Variants in ARHGAP32 observed in about 807,000 individuals in gnomAD.
The protein encoded by ARHGAP32 is rho GTPase-activating protein 32.
A neutral mutation model predicts 186.5 loss-of-function variants in ARHGAP32; 51 were observed. The ratio of observed to expected loss-of-function variants is 0.27; its 90% CI spans 0.22 to 0.35. ARHGAP32 has a LOEUF of 0.35. Among genes scored for constraint, ARHGAP32 ranks in the 10% least tolerant of loss-of-function variants. ARHGAP32 has a pLI of 1.00. For missense variants in ARHGAP32, 2,186 were observed against 2,623.5 expected (o/e 0.83, Z 3.64); for synonymous variants, 950 against 964.3 (o/e 0.99, Z 0.27).
chr11:129,241,486 T>C (rs2135667156), intron 1 of ARHGAP32, among the ~76,000 whole-genome samples: 1 of 151,844 alleles, frequency 6.6e-6, no homozygotes, highest in Admixed American at 6.6e-5. Flanking sequence ...CTACAAATAA[T>C]TTTGTAAAAA....
rs1271342743 is a variant in ARHGAP32, at chr11:128,978,341, TACTC to T, written c.2122+425_2122+428del. ...AATAGATTTATTTGATCTAATAAGA[TACTC>T]TATTAATGAGACATCTAATAAAAAA... On this transcript the variant is annotated intron_variant, in intron 19 of 22. Coordinates refer to ENST00000682385, the MANE Select transcript of ARHGAP32 (RefSeq NM_001378024.1). Among the ~76,000 whole-genome samples the T allele has an allele frequency of 8.5e-5, 13 of 152,174 alleles. No individual in the cohort carries two copies. In the East Asian group the frequency reaches 2.5e-3, roughly 29 times the overall value.
intron 1 of ARHGAP32, among the ~76,000 whole-genome samples, chr11:129,182,143 T>A (rs1053070633): frequency 2.4e-4 from 37 of 152,124 alleles, no homozygotes; most frequent in African/African-American, 8.9e-4. Flanking sequence ...GTGTAGCTAT[T>A]CCTTAATTTA....
At chr11:129,013,064 A>G (rs539860494) in intron 11 of ARHGAP32, among the ~76,000 whole-genome samples, 40 of 152,348 alleles carry the variant, frequency 2.6e-4, no homozygotes, top group Non-Finnish European at 5.1e-4. Context: ...GATCAGGAAC[A>G]AGGAAACGTG....
intron 2 of ARHGAP32, among the ~76,000 whole-genome samples, chr11:129,146,847 C>T (rs1422238906): frequency 3.3e-5 from 5 of 151,886 alleles, no homozygotes; most frequent in African/African-American, 9.7e-5. Flanking sequence ...TACTTAAGCC[C>T]TTTTATCTCT....
chr11:129,106,092 A>G (rs536127481), intron 5 of ARHGAP32, among the ~76,000 whole-genome samples: 3 of 152,204 alleles, frequency 2.0e-5, no homozygotes, highest in Non-Finnish European at 4.4e-5. Flanking sequence ...TACTTCAGCC[A>G]TTGTCGAAAG....
intron 11 of ARHGAP32, among the ~76,000 whole-genome samples, chr11:129,009,891 C>T (rs1267644637): frequency 2.0e-5 from 3 of 152,200 alleles, no homozygotes; most frequent in Non-Finnish European, 2.9e-5. Flanking sequence ...GAGGAACTGC[C>T]ACACTGTCTT....
At chr11:129,124,943 CT>C in intron 2 of ARHGAP32, 49 bp from the exon 3 acceptor site, 1 of 1,422,030 alleles carries the variant, frequency 7.0e-7, no homozygotes, top group Non-Finnish European at 9.7e-7. Flanking sequence ...TAGTATTACA[CT>C]TTTTTAAAAA....
chr11:128,999,684 G>A (rs1946301885), intron 11 of ARHGAP32, among the ~76,000 whole-genome samples: 1 of 152,094 alleles, frequency 6.6e-6, no homozygotes, highest in Admixed American at 6.5e-5. Context: ...TCTTAGACCA[G>A]CCGACACTTT....
At chr11:129,240,329 A>G (rs912645270) in intron 1 of ARHGAP32, among the ~76,000 whole-genome samples, 9 of 152,146 alleles carry the variant, frequency 5.9e-5, no homozygotes, top group African/African-American at 2.2e-4. Context: ...GGGGAAAAAA[A>G]AAAATCTGGT....
chr11:129,229,730 T>C (rs1019982241), intron 1 of ARHGAP32, among the ~76,000 whole-genome samples: 36 of 152,160 alleles, frequency 2.4e-4, no homozygotes, highest in Non-Finnish European at 5.9e-5. Context: ...ATCCAATTAC[T>C]TAAGGATTTT....
intron 1 of ARHGAP32, among the ~76,000 whole-genome samples, chr11:129,214,824 G>A (rs1292297353): frequency 6.6e-6 from 1 of 152,164 alleles, no homozygotes; most frequent in African/African-American, 2.4e-5. Context: ...TAGGCTTTGT[G>A]GACCACATGG....
intron 10 of ARHGAP32, among the ~76,000 whole-genome samples, chr11:129,058,186 T>A (rs60151179): frequency 0.28 from 26,384 of 93,488 alleles, 2,980 homozygotes; most frequent in Middle Eastern, 0.39. Flanking sequence ...GAAAAAAAAA[T>A]ATACACACAC....
chr11:128,990,844 G>A (rs968201234), intron 12 of ARHGAP32, among the ~76,000 whole-genome samples: 1 of 152,074 alleles, frequency 6.6e-6, no homozygotes, highest in African/African-American at 2.4e-5. Context: ...AGAGATTACT[G>A]GGATAATTAA....
intron 10 of ARHGAP32, among the ~76,000 whole-genome samples, chr11:129,045,490 A>G (rs1939770710): frequency 6.6e-6 from 1 of 152,268 alleles, no homozygotes; most frequent in Non-Finnish European, 1.5e-5. Context: ...TACCATCACA[A>G]AATTTTCATG....
intron 1 of ARHGAP32, among the ~76,000 whole-genome samples, chr11:129,251,791 G>C (rs1010285270): frequency 1.3e-5 from 2 of 151,718 alleles, no homozygotes; most frequent in African/African-American, 4.8e-5. Context: ...AAAATCAGCT[G>C]GGTGTGGCGA....
chr11:129,165,210 T>TTC (rs1943609372), intron 1 of ARHGAP32, among the ~76,000 whole-genome samples: 1 of 151,914 alleles, frequency 6.6e-6, no homozygotes, highest in Non-Finnish European at 1.5e-5. Flanking sequence ...TCACCTCAAA[T>TTC]TATTAACTGA....
At chr11:129,065,637 C>T (rs543111971) in intron 7 of ARHGAP32, among the ~76,000 whole-genome samples, 9 of 152,118 alleles carry the variant, frequency 5.9e-5, no homozygotes, top group Non-Finnish European at 1.0e-4. Flanking sequence ...TGTTTTAAGA[C>T]ACTCCTGAGA....
At chr11:129,234,773 G>A (rs577009483) in intron 1 of ARHGAP32, among the ~76,000 whole-genome samples, 28 of 152,194 alleles carry the variant, frequency 1.8e-4, no homozygotes, top group African/African-American at 5.3e-4. Context: ...TTAAAGGGGC[G>A]TCTCTGTCAG....
At chr11:129,083,314 A>G (rs1941278049) in intron 6 of ARHGAP32, among the ~76,000 whole-genome samples, 1 of 152,228 alleles carries the variant, frequency 6.6e-6, no homozygotes, top group Non-Finnish European at 1.5e-5. Flanking sequence ...AACTGCAAAA[A>G]ATGGAAGCAG....
Sources: gnomAD v4.1 joint callset for allele counts (sites outside exome capture counted in the v4.1 genomes callset) on GRCh38, gnomAD v4.1.1 for gene constraint, MANE v1.5 for transcripts, NCBI Gene and HGNC (gene_info 2026-07-23, HGNC 2026-07-21) for gene names.